EYA1: variants seen among roughly 807,000 people sequenced by gnomAD.
The protein encoded by EYA1 is EYA transcriptional coactivator and phosphatase 1.
EYA1 carries 16 observed loss-of-function variants against 82.0 expected under a neutral mutation model. The observed-to-expected ratio is 0.20, with a 90% confidence interval of 0.13 to 0.30. The LOEUF is 0.30. Among genes scored for constraint, EYA1 ranks in the 10% least tolerant of loss-of-function variants. The probability of loss-of-function intolerance (pLI) is 1.00; values close to 1 mark genes in which losing one functional copy is unlikely to be tolerated. For missense variants in EYA1, 633 were observed against 730.7 expected (o/e 0.87, Z 1.54); for synonymous variants, 261 against 264.4 (o/e 0.99, Z 0.12).
At chr8:71,457,753 G>A (rs1808059016) in intron 2 of EYA1, among the ~76,000 whole-genome samples, 1 of 152,018 alleles carries the variant, frequency 6.6e-6, no homozygotes, top group African/African-American at 2.4e-5. Flanking sequence ...ACACACAGGG[G>A]CCTGTAGCAT....
intron 2 of EYA1, among the ~76,000 whole-genome samples, chr8:71,381,812 A>G (rs946799607): frequency 1.3e-5 from 2 of 152,292 alleles, no homozygotes; most frequent in East Asian, 3.9e-4. Flanking sequence ...ATCATACACA[A>G]TCTGGTGTGC....
At chr8:71,251,478 T>C (rs1813739908) in intron 11 of EYA1, among the ~76,000 whole-genome samples, 1 of 152,198 alleles carries the variant, frequency 6.6e-6, no homozygotes. Flanking sequence ...GGATATGATA[T>C]TAAATTGCAA....
chr8:71,305,302 A>G (rs1421984310), intron 7 of EYA1, among the ~76,000 whole-genome samples: 3 of 143,090 alleles, frequency 2.1e-5, no homozygotes, highest in African/African-American at 7.4e-5. Flanking sequence ...AAAATTCCTC[A>G]AAGTAGAAAG....
chr8:71,476,448 A>G (rs551681534), intron 2 of EYA1, among the ~76,000 whole-genome samples: 2 of 152,282 alleles, frequency 1.3e-5, no homozygotes, highest in South Asian at 4.1e-4. Context: ...TGAAAATAAA[A>G]TCAAGAAAAC....
At chr8:71,351,587 C>A (rs895080621) in intron 3 of EYA1, among the ~76,000 whole-genome samples, 2 of 152,106 alleles carry the variant, frequency 1.3e-5, no homozygotes, top group Non-Finnish European at 2.9e-5. Context: ...AAGAACATTT[C>A]ATGTAGGAAA....
At chr8:71,425,104 C>CAAA (rs71264555) in intron 2 of EYA1, among the ~76,000 whole-genome samples, 2,714 of 75,256 alleles carry the variant, frequency 0.036, 136 homozygotes, top group African/African-American at 0.091. Context: ...ACTAAAAATA[C>CAAA]AAAAAAAAAA....
intron 11 of EYA1, among the ~76,000 whole-genome samples, chr8:71,265,571 G>A (rs963426995): frequency 1.3e-5 from 2 of 151,686 alleles, no homozygotes; most frequent in South Asian, 4.1e-4. Flanking sequence ...AGATATCTTG[G>A]GTAATCCTCC....
intron 2 of EYA1, among the ~76,000 whole-genome samples, chr8:71,398,583 T>A (rs1358628636): frequency 6.6e-6 from 1 of 152,214 alleles, no homozygotes; most frequent in African/African-American, 2.4e-5. Context: ...TTTGCCTCAG[T>A]ATCACCAGTG....
intron 2 of EYA1, among the ~76,000 whole-genome samples, chr8:71,439,680 CCTT>C (rs961914309): frequency 6.6e-6 from 1 of 152,176 alleles, no homozygotes; most frequent in African/African-American, 2.4e-5. Context: ...CTGGGTCAAT[CCTT>C]CTCCTAATGA....
intron 2 of EYA1, among the ~76,000 whole-genome samples, chr8:71,451,489 A>G (rs1807368971): frequency 6.6e-6 from 1 of 152,222 alleles, no homozygotes; most frequent in African/African-American, 2.4e-5. Flanking sequence ...ACAATGCCAG[A>G]AAGAAATATA....
chr8:71,417,970 A>G (rs535761413), intron 2 of EYA1, among the ~76,000 whole-genome samples: 1 of 152,352 alleles, frequency 6.6e-6, no homozygotes, highest in East Asian at 1.9e-4. Context: ...CAAATTGCTC[A>G]TAAAATCCTG....
intron 12 of EYA1, among the ~76,000 whole-genome samples, chr8:71,233,013 A>G (rs1240435573): frequency 1.3e-5 from 2 of 152,184 alleles, no homozygotes; most frequent in East Asian, 3.8e-4. Context: ...TGAGGCATAA[A>G]GGGGGCCCTC....
chr8:71,418,311 T>C (rs919286046), intron 2 of EYA1, among the ~76,000 whole-genome samples: 3 of 152,178 alleles, frequency 2.0e-5, no homozygotes, highest in African/African-American at 4.8e-5. Flanking sequence ...CTAGCTACTC[T>C]TAAAAAATGA....
intron 2 of EYA1, among the ~76,000 whole-genome samples, chr8:71,493,968 A>C (rs1291481451): frequency 7.8e-6 from 1 of 127,910 alleles, no homozygotes; most frequent in Non-Finnish European, 1.6e-5. Context: ...GCTTGCAGTG[A>C]GCCGAGATCC....
intron 12 of EYA1, among the ~76,000 whole-genome samples, chr8:71,220,586 TC>T (rs1809773027): frequency 6.6e-6 from 1 of 152,208 alleles, no homozygotes; most frequent in African/African-American, 2.4e-5. Flanking sequence ...AGGTAGTGTT[TC>T]AGATGCTAAT....
chr8:71,444,075 A>G (rs996787589), intron 2 of EYA1, among the ~76,000 whole-genome samples: 4 of 152,228 alleles, frequency 2.6e-5, no homozygotes, highest in African/African-American at 2.4e-5. Flanking sequence ...TGCCACAGCC[A>G]TTTGTTCCTA....
intron 4 of EYA1, 36 bp from the exon 5 acceptor site, chr8:71,322,304 A>C: frequency 6.4e-7 from 1 of 1,557,556 alleles, no homozygotes; most frequent in Non-Finnish European, 8.9e-7. Context: ...AATGCACAAT[A>C]ATCCAAGCAA....
chr8:71,348,507 A>G (rs922155342), intron 3 of EYA1, among the ~76,000 whole-genome samples: 1 of 152,226 alleles, frequency 6.6e-6, no homozygotes, highest in African/African-American at 2.4e-5. Context: ...AATTGGAAGT[A>G]GGGAAAAGCT....
intron 2 of EYA1, among the ~76,000 whole-genome samples, chr8:71,483,674 C>T (rs945241753): frequency 8.8e-5 from 13 of 147,960 alleles, no homozygotes; most frequent in Middle Eastern, 3.6e-3. Flanking sequence ...TGTGTGTGTG[C>T]GTGTGTGTGT....
Sources: gnomAD v4.1 joint callset for allele counts (sites outside exome capture counted in the v4.1 genomes callset) on GRCh38, gnomAD v4.1.1 for gene constraint, MANE v1.5 for transcripts, NCBI Gene and HGNC (gene_info 2026-07-23, HGNC 2026-07-21) for gene names.